Variants in RNF38 observed in about 807,000 individuals in gnomAD.
RNF38 encodes the protein E3 ubiquitin-protein ligase RNF38.
Under a neutral mutation model 67.2 loss-of-function variants are expected in RNF38, and 15 were observed. The ratio of observed to expected loss-of-function variants is 0.22; its 90% confidence interval spans 0.15 to 0.34. RNF38 has a LOEUF of 0.34. Among genes scored for constraint, RNF38 ranks in the 10% least tolerant of loss-of-function variants. RNF38 has a pLI of 1.00. For synonymous variants in RNF38, 220 were observed against 218.8 expected (o/e 1.01, Z -0.05); for missense variants, 524 against 639.9 (o/e 0.82, Z 1.95).
intron 11 of RNF38, among the ~76,000 whole-genome samples, chr9:36,340,212 C>T (rs965386430): frequency 3.9e-5 from 6 of 152,156 alleles, no homozygotes; most frequent in African/African-American, 1.2e-4. Context: ...CTCCTGACCT[C>T]GGGTGATCCA....
chr9:36,337,612 A>C lies in RNF38; in HGVS notation c.*2140T>G, dbSNP rs1832545101. 6.6e-6 allele frequency: 1 copy of C among 152,600 alleles called. No homozygotes were observed. Among genetic ancestry groups the C allele is most frequent in the African/African-American group, 2.4e-5 (1 of 41,434 alleles). 9.5% of individuals were successfully genotyped at this position (152,600 alleles called of 1,614,324 possible). Reference sequence around the variant, plus strand: ...GATATAAATTTTTTGCAGCTATATAAAAGTGTATAAGATGGGCTTTTGCCA... The same window carrying C: ...GATATAAATTTTTTGCAGCTATATACAAGTGTATAAGATGGGCTTTTGCCA... On this transcript the variant is annotated 3_prime_UTR_variant, in exon 12 of 12. Coordinates refer to ENST00000259605, the MANE Select transcript of RNF38 (RefSeq NM_022781.5).
chr9:36,352,996 G>A, intron 7 of RNF38, 148 bp from the exon 8 acceptor site: 1 of 806,580 alleles, frequency 1.2e-6, no homozygotes. Context: ...CTTATTAATG[G>A]ATGCAGCAAC....
At chr9:36,469,053 A>G (rs1032333699) in intron 1 of RNF38, among the ~76,000 whole-genome samples, 1 of 152,022 alleles carries the variant, frequency 6.6e-6, no homozygotes, top group African/African-American at 2.4e-5. Flanking sequence ...CGGAGCTTGC[A>G]GTGAGCTGAG....
Position 36,443,209 on chromosome 9 carries a change from G to A in RNF38, n.242-18526C>T, listed in dbSNP as rs539267281. Among the ~76,000 whole-genome samples, 6 of 152,284 alleles carry A rather than the reference G, an allele frequency of 3.9e-5. No individual in the cohort carries two copies. In the East Asian group the frequency reaches 5.8e-4, roughly 15 times the overall value. On this transcript the variant is annotated intron_variant and non_coding_transcript_variant, in intron 1 of 3. Transcript: ENST00000488058. ...GAGTGAAATATTAAATGGATTGTCC[G>A]CAGGCATAGTGATGGCAAGACCTGG...
At chr9:36,444,743 T>C (rs576583225) in intron 1 of RNF38, among the ~76,000 whole-genome samples, 1 of 152,218 alleles carries the variant, frequency 6.6e-6, no homozygotes, top group East Asian at 1.9e-4. Context: ...GAGGTTGCAG[T>C]GAGCTGAGAT....
At chr9:36,421,920 A>G (rs540784983) in intron 2 of RNF38, among the ~76,000 whole-genome samples, 1 of 151,836 alleles carries the variant, frequency 6.6e-6, no homozygotes, top group East Asian at 2.0e-4. Context: ...CCAGAATAAC[A>G]CCTGATGATC....
intron 2 of RNF38, among the ~76,000 whole-genome samples, chr9:36,386,998 T>TC (rs1836690860): frequency 6.6e-6 from 1 of 152,182 alleles, no homozygotes; most frequent in Non-Finnish European, 1.5e-5. Flanking sequence ...AGACGGGGTT[T>TC]CCCCATGTTG....
At chr9:36,428,337 C>T (rs776624446) in intron 1 of RNF38, among the ~76,000 whole-genome samples, 21 of 151,312 alleles carry the variant, frequency 1.4e-4, no homozygotes, top group Non-Finnish European at 1.5e-4. Context: ...TACTTGAACC[C>T]GGGAGGTGGA....
chr9:36,407,327 T>G (rs1838206958), intron 2 of RNF38, among the ~76,000 whole-genome samples: 1 of 152,282 alleles, frequency 6.6e-6, no homozygotes, highest in Non-Finnish European at 1.5e-5. Flanking sequence ...AGGTGGCTGT[T>G]TCCACAGTGC....
chr9:36,393,894 G>A (rs565489843), intron 1 of RNF38, among the ~76,000 whole-genome samples: 1 of 152,122 alleles, frequency 6.6e-6, no homozygotes, highest in Non-Finnish European at 1.5e-5. Flanking sequence ...GCAGTCACCA[G>A]TTGACGACCA....
upstream of RNF38, among the ~76,000 whole-genome samples, chr9:36,402,494 T>A (rs1838073812): frequency 7.0e-6 from 1 of 143,028 alleles, no homozygotes; most frequent in Non-Finnish European, 1.5e-5. Flanking sequence ...AATCTAAGCT[T>A]AAAAAAAAAA....
chr9:36,458,555 C>T (rs764942997), intron 1 of RNF38, among the ~76,000 whole-genome samples: 18 of 152,142 alleles, frequency 1.2e-4, no homozygotes, highest in Non-Finnish European at 2.4e-4. Flanking sequence ...GAGGAACAAA[C>T]AACTCCTGAC....
chr9:36,438,757 C>T (rs906564560), intron 1 of RNF38, among the ~76,000 whole-genome samples: 1 of 152,196 alleles, frequency 6.6e-6, no homozygotes, highest in African/African-American at 2.4e-5. Context: ...TCCTCTTACC[C>T]AGCTGAATAG....
intron 10 of RNF38, 96 bp downstream of exon 10, chr9:36,344,736 T>C (rs1336705650): frequency 1.5e-5 from 19 of 1,235,182 alleles, no homozygotes; most frequent in Non-Finnish European, 2.2e-5. Context: ...CAATTTTTTA[T>C]TTCCTCTCCC....
At chr9:36,344,364 A>G (rs895074981) in intron 10 of RNF38, among the ~76,000 whole-genome samples, 6 of 152,200 alleles carry the variant, frequency 3.9e-5, no homozygotes, top group Admixed American at 3.3e-4. Context: ...TAAATTATAT[A>G]TCAATAAAGC....
chr9:36,457,736 C>T (rs1839626960), intron 1 of RNF38, among the ~76,000 whole-genome samples: 1 of 151,848 alleles, frequency 6.6e-6, no homozygotes, highest in Admixed American at 6.6e-5. Flanking sequence ...GGTGAAACCC[C>T]GTCTCTACTA....
rs777713336 is a variant in RNF38, at chr9:36,352,846, A to C, written c.1074T>G (p.Pro358=). The C allele has an allele frequency of 1.2e-6, 2 of 1,607,626 alleles. No homozygotes were observed. Among genetic ancestry groups the C allele is most frequent in the Admixed American group, 3.3e-5 (2 of 59,984 alleles). ...PLHQEVSFGV[P]YPPFMPRRLT... ...GCCTCCGAGGCATAAATGGAGGATA[A>C]GGCTGCAAGGGGAAAAATGTTAAGA... is the stretch of plus-strand genomic sequence containing the variant. Residue 358 remains proline, a splice_region_variant and synonymous_variant, in exon 8 of 12, where the codon CCT becomes CCG. Transcript: ENST00000259605.
At chr9:36,439,060 T>C (rs1010328517) in intron 1 of RNF38, among the ~76,000 whole-genome samples, 2 of 147,412 alleles carry the variant, frequency 1.4e-5, no homozygotes, top group African/African-American at 5.1e-5. Context: ...AGAATAGAGC[T>C]ATGCATGAAA....
chr9:36,453,947 G>A (rs1028958535), intron 1 of RNF38, among the ~76,000 whole-genome samples: 1 of 152,086 alleles, frequency 6.6e-6, no homozygotes, highest in African/African-American at 2.4e-5. Context: ...CACAAAGTAG[G>A]GATGAGGGGA....
Sources: allele counts gnomAD v4.1 joint callset (sites outside exome capture counted in the v4.1 genomes callset), GRCh38; gene constraint gnomAD v4.1.1; transcripts MANE v1.5; gene names NCBI Gene and HGNC (gene_info 2026-07-23, HGNC 2026-07-21).